Variants in ADCY2 observed in about 807,000 individuals in gnomAD.
ADCY2 encodes the protein adenylate cyclase 2, also known as adenylate cyclase type 2.
Under a neutral mutation model 125.2 loss-of-function variants are expected in ADCY2, and 31 were observed. That is an observed-to-expected ratio of 0.25 (90% CI 0.19 to 0.33). The LOEUF is 0.33. ADCY2 is among the 10% of genes least tolerant of loss of function. The pLI, the probability that ADCY2 is intolerant of heterozygous loss-of-function variation, is 1.00. For missense variants in ADCY2, 904 were observed against 1,418.2 expected (o/e 0.64, Z 5.82); for synonymous variants, 512 against 548.4 (o/e 0.93, Z 0.93).
chr5:7,792,469 G>C (rs1021219061), intron 20 of ADCY2, among the ~76,000 whole-genome samples: 9 of 152,134 alleles, frequency 5.9e-5, no homozygotes, highest in Non-Finnish European at 1.3e-4. Flanking sequence ...TGGGCTCAGA[G>C]GAAAGCTCTG....
intron 2 of ADCY2, among the ~76,000 whole-genome samples, chr5:7,443,014 TC>T (rs1178075454): frequency 3.3e-5 from 5 of 152,312 alleles, no homozygotes; most frequent in African/African-American, 1.2e-4. Flanking sequence ...CCCATGACGT[TC>T]ACTTCTGCAT....
At chr5:7,704,376 T>C (rs1352433995) in intron 7 of ADCY2, among the ~76,000 whole-genome samples, 1 of 152,200 alleles carries the variant, frequency 6.6e-6, no homozygotes, top group African/African-American at 2.4e-5. Context: ...AGCTGCAGTT[T>C]TGGAACATTT....
At chr5:7,635,308 G>A (rs570919253) in intron 4 of ADCY2, among the ~76,000 whole-genome samples, 129 of 152,184 alleles carry the variant, frequency 8.5e-4, no homozygotes, top group Non-Finnish European at 9.6e-4. Context: ...GGAAGCCATG[G>A]CATACTATGG....
intron 5 of ADCY2, among the ~76,000 whole-genome samples, chr5:7,694,051 G>A (rs757256248): frequency 2.6e-5 from 4 of 152,214 alleles, no homozygotes; most frequent in Non-Finnish European, 5.9e-5. Flanking sequence ...CATCTGAACA[G>A]AGTGGAGGGT....
At chr5:7,816,484 C>T (rs1303653731) in intron 22 of ADCY2, among the ~76,000 whole-genome samples, 4 of 152,214 alleles carry the variant, frequency 2.6e-5, no homozygotes, top group Admixed American at 6.5e-5. Flanking sequence ...AGAGCCAGAG[C>T]CCCGCAGAGA....
chr5:7,717,016 C>T (rs959891525), intron 11 of ADCY2, 141 bp from the exon 12 acceptor site: 25 of 576,242 alleles, frequency 4.3e-5, no homozygotes, highest in African/African-American at 7.6e-5. Flanking sequence ...CTAAATACCC[C>T]GATTGATCAT....
At chr5:7,707,415 C>T (rs1159047977) in intron 8 of ADCY2, among the ~76,000 whole-genome samples, 2 of 152,158 alleles carry the variant, frequency 1.3e-5, no homozygotes, top group Non-Finnish European at 2.9e-5. Flanking sequence ...CCATGACATA[C>T]ATTTCAAAGA....
intron 2 of ADCY2, among the ~76,000 whole-genome samples, chr5:7,500,426 G>A (rs1323937407): frequency 6.6e-6 from 1 of 152,162 alleles, no homozygotes; most frequent in Non-Finnish European, 1.5e-5. Context: ...ATTTACAGTG[G>A]AGAACTCTGA....
intron 4 of ADCY2, chr5:7,654,118 A>G: frequency 2.2e-6 from 1 of 456,212 alleles, no homozygotes; most frequent in Non-Finnish European, 4.4e-6. Context: ...GACTCCTGAC[A>G]TTCAGAGAGC....
At chr5:7,817,633 C>G (rs936015701) in intron 23 of ADCY2, among the ~76,000 whole-genome samples, 2 of 152,012 alleles carry the variant, frequency 1.3e-5, no homozygotes, top group Admixed American at 1.3e-4. Flanking sequence ...TTGAGACCAG[C>G]CTGGGCAACA....
At chr5:7,486,253 G>A (rs956248283) in intron 2 of ADCY2, among the ~76,000 whole-genome samples, 5 of 152,204 alleles carry the variant, frequency 3.3e-5, no homozygotes, top group African/African-American at 9.7e-5. Flanking sequence ...ATACACAGAC[G>A]TGATACACAG....
At chr5:7,509,678 G>T (rs1743983785) in intron 2 of ADCY2, among the ~76,000 whole-genome samples, 1 of 152,048 alleles carries the variant, frequency 6.6e-6, no homozygotes, top group East Asian at 1.9e-4. Flanking sequence ...TTCCATCAAA[G>T]AACATAATAT....
intron 14 of ADCY2, among the ~76,000 whole-genome samples, chr5:7,728,570 C>A (rs766781667): frequency 1.3e-5 from 2 of 152,112 alleles, no homozygotes; most frequent in African/African-American, 2.4e-5. Context: ...AATTAAGCTC[C>A]TTAGTGTCAG....
At chr5:7,694,922 C>A (rs1561171478) in intron 5 of ADCY2, among the ~76,000 whole-genome samples, 1 of 152,218 alleles carries the variant, frequency 6.6e-6, no homozygotes, top group Non-Finnish European at 1.5e-5. Flanking sequence ...AGGTTCTCAT[C>A]CACAACCATT....
At chr5:7,555,687 T>C (rs55922718) in intron 3 of ADCY2, among the ~76,000 whole-genome samples, 46,330 of 152,022 alleles carry the variant, frequency 0.3, 8,215 homozygotes, top group Non-Finnish European at 0.41. Context: ...CCCATAACTT[T>C]AGGCTCCATT....
At chr5:7,548,968 T>TTAGCA (rs1249662583) in intron 3 of ADCY2, among the ~76,000 whole-genome samples, 2 of 152,230 alleles carry the variant, frequency 1.3e-5, no homozygotes, top group Admixed American at 1.3e-4. Flanking sequence ...TCATCTGCTG[T>TTAGCA]TAGCAGCAGA....
chr5:7,465,226 A>T (rs1212559478), intron 2 of ADCY2, among the ~76,000 whole-genome samples: 2 of 152,158 alleles, frequency 1.3e-5, no homozygotes, highest in Admixed American at 1.3e-4. Flanking sequence ...TCTAAAGGGA[A>T]TTTCTTTCAT....
rs138687627 is a variant in ADCY2 at position 7,764,685 on chromosome 5, T to C, written c.2095-2002T>C. 6.5e-3 allele frequency among the ~76,000 whole-genome samples: 988 copies of C among 152,304 alleles called. 4 individuals carry two copies. Among genetic ancestry groups the C allele is most frequent in the Non-Finnish European group, 0.01 (688 of 68,024 alleles). ...CAGATTGATGACATCATTGTCCCAA[T>C]TGTGACAAAGGATGTGGAAAATTAA... On this transcript the variant is annotated intron_variant, in intron 16 of 24. Transcript: ENST00000338316.
At position 7,444,106 on chromosome 5, in the gene ADCY2, T is replaced by G. The variant is rs528697117; in HGVS notation, c.408+29336T>G. Among the ~76,000 whole-genome samples, 11 of 142,984 alleles carry G rather than the reference T, an allele frequency of 7.7e-5. No individual in the cohort carries two copies. In the South Asian group the frequency reaches 2.4e-3, roughly 31 times the overall value. The allele number at this position is 142,984 out of a possible 152,430, so 93.8% of individuals were successfully genotyped here. On this transcript the variant is annotated intron_variant, in intron 2 of 24. Coordinates refer to ENST00000338316, the MANE Select transcript of ADCY2 (RefSeq NM_020546.3). ...GAACAGTTCTGCTGGTTTTGGTTTT[T>G]ATCTCTTTTTTTTTTTTTTTTTTTT...
Sources: allele counts gnomAD v4.1 joint callset (sites outside exome capture counted in the v4.1 genomes callset), GRCh38; gene constraint gnomAD v4.1.1; transcripts MANE v1.5; gene names NCBI Gene and HGNC (gene_info 2026-07-23, HGNC 2026-07-21).